The following GRM3 variants were observed in gnomAD, a reference collection of about 807,000 sequenced individuals.
GRM3 encodes the protein glutamate metabotropic receptor 3.
GRM3 carries 26 observed loss-of-function variants against 70.5 expected under a neutral mutation model. The ratio of observed to expected loss-of-function variants is 0.37; its 90% CI spans 0.27 to 0.51. The LOEUF (loss-of-function observed/expected upper bound fraction) is 0.51, where lower values mean the gene tolerates loss of function less well. Ranked by LOEUF, GRM3 falls within the 20% of genes least tolerant of loss-of-function variation. The probability of loss-of-function intolerance (pLI) is 0.93; values close to 1 mark genes in which losing one functional copy is unlikely to be tolerated. For synonymous variants in GRM3, 443 were observed against 434.9 expected (o/e 1.02, Z -0.23); for missense variants, 859 against 1,123.8 (o/e 0.76, Z 3.37).
chr7:86,647,761 C>T (rs1793510287), intron 1 of GRM3, among the ~76,000 whole-genome samples: 1 of 152,144 alleles, frequency 6.6e-6, no homozygotes, highest in Non-Finnish European at 1.5e-5. Flanking sequence ...TCATAGTAAT[C>T]ACTGAGACGG....
chr7:86,823,615 G>T (rs1412555359), intron 3 of GRM3, among the ~76,000 whole-genome samples: 24 of 121,542 alleles, frequency 2.0e-4, no homozygotes, highest in Non-Finnish European at 3.3e-4. Flanking sequence ...TGGCGGGGGG[G>T]GATTAGTGCA....
At chr7:86,685,680 G>C (rs1794546769) in intron 1 of GRM3, among the ~76,000 whole-genome samples, 1 of 152,100 alleles carries the variant, frequency 6.6e-6, no homozygotes, top group African/African-American at 2.4e-5. Context: ...GCCAAAGCAG[G>C]TGGATCACAA....
chr7:86,805,835 G>C (rs1484655209), intron 3 of GRM3, among the ~76,000 whole-genome samples: 1 of 152,070 alleles, frequency 6.6e-6, no homozygotes, highest in Non-Finnish European at 1.5e-5. Flanking sequence ...TGCCATGTTG[G>C]TGCGTTGCAC....
At chr7:86,821,608 C>T (rs1209756345) in intron 3 of GRM3, among the ~76,000 whole-genome samples, 1 of 152,118 alleles carries the variant, frequency 6.6e-6, no homozygotes, top group East Asian at 1.9e-4. Flanking sequence ...CAGTCAGACT[C>T]CAGGGGAAAA....
At chr7:86,659,207 T>G (rs1793828635) in intron 1 of GRM3, among the ~76,000 whole-genome samples, 1 of 152,174 alleles carries the variant, frequency 6.6e-6, no homozygotes, top group South Asian at 2.1e-4. Flanking sequence ...TTCCATTAAA[T>G]GCAGTTTGTG....
chr7:86,651,834 T>G (rs116642032), intron 1 of GRM3, among the ~76,000 whole-genome samples: 2,012 of 152,298 alleles, frequency 0.013, 40 homozygotes, highest in African/African-American at 0.046. Context: ...AAAGTCCCAC[T>G]TCCCCCAACA....
chr7:86,712,204 T>G (rs1245140192), intron 1 of GRM3, among the ~76,000 whole-genome samples: 7 of 152,034 alleles, frequency 4.6e-5, no homozygotes, highest in African/African-American at 1.7e-4. Context: ...TCCTAATTAC[T>G]TTTCATCTGA....
intron 1 of GRM3, among the ~76,000 whole-genome samples, chr7:86,670,934 C>T (rs1228387818): frequency 2.6e-5 from 4 of 152,182 alleles, no homozygotes; most frequent in Non-Finnish European, 4.4e-5. Flanking sequence ...ACAAGGTATA[C>T]TCTCTCCCAT....
chr7:86,672,124 G>T (rs1315916647), intron 1 of GRM3, among the ~76,000 whole-genome samples: 1 of 152,156 alleles, frequency 6.6e-6, no homozygotes, highest in African/African-American at 2.4e-5. Context: ...GTGATAAAAA[G>T]TCTACTCCAT....
intron 1 of GRM3, among the ~76,000 whole-genome samples, chr7:86,761,706 C>T (rs1796484175): frequency 6.6e-6 from 1 of 152,104 alleles, no homozygotes; most frequent in South Asian, 2.1e-4. Flanking sequence ...CTGATAGACA[C>T]TGTTGCCTTC....
intron 1 of GRM3, among the ~76,000 whole-genome samples, chr7:86,693,330 G>A (rs1274392727): frequency 6.6e-6 from 1 of 152,222 alleles, no homozygotes; most frequent in African/African-American, 2.4e-5. Context: ...ACATGGGTCA[G>A]TTAGAAGCCC....
chr7:86,735,784 T>G (rs1795844084), intron 1 of GRM3, among the ~76,000 whole-genome samples: 3 of 152,220 alleles, frequency 2.0e-5, no homozygotes, highest in Non-Finnish European at 4.4e-5. Flanking sequence ...CTAAGTACCA[T>G]TTTACCATAA....
intron 1 of GRM3, among the ~76,000 whole-genome samples, chr7:86,720,733 A>G (rs577526703): frequency 6.6e-6 from 1 of 152,162 alleles, no homozygotes; most frequent in East Asian, 1.9e-4. Context: ...CACTGTGTAG[A>G]TCACAAATAT....
At chr7:86,695,695 T>C (rs2116058324) in intron 1 of GRM3, among the ~76,000 whole-genome samples, 1 of 152,190 alleles carries the variant, frequency 6.6e-6, no homozygotes, top group South Asian at 2.1e-4. Flanking sequence ...CTCAAAAAAC[T>C]ATAAAGAATA....
intron 3 of GRM3, among the ~76,000 whole-genome samples, chr7:86,829,518 C>A (rs949727913): frequency 6.6e-6 from 1 of 152,154 alleles, no homozygotes; most frequent in African/African-American, 2.4e-5. Context: ...TTAAGTGATT[C>A]TTTCTTTCAC....
chr7:86,862,187 C>T (rs1002177224), intron 5 of GRM3, among the ~76,000 whole-genome samples: 1 of 152,118 alleles, frequency 6.6e-6, no homozygotes, highest in Non-Finnish European at 1.5e-5. Flanking sequence ...GGCTTTTAAA[C>T]GTACACACAA....
chr7:86,857,529 C>T (rs1440980325), intron 5 of GRM3, among the ~76,000 whole-genome samples: 2 of 152,054 alleles, frequency 1.3e-5, no homozygotes, highest in African/African-American at 4.8e-5. Context: ...GTGGTTTAGA[C>T]CAGAGTGAGA....
intron 5 of GRM3, among the ~76,000 whole-genome samples, chr7:86,857,068 G>C (rs909967365): frequency 4.0e-5 from 6 of 151,322 alleles, no homozygotes; most frequent in Non-Finnish European, 8.8e-5. Context: ...CCTCAGCTCA[G>C]TTACAAAATT....
intron 1 of GRM3, among the ~76,000 whole-genome samples, chr7:86,658,013 C>G (rs1210689592): frequency 6.6e-6 from 1 of 152,124 alleles, no homozygotes; most frequent in Admixed American, 6.5e-5. Flanking sequence ...ATGTAACAAT[C>G]AAAATTCTAA....
Sources: allele counts gnomAD v4.1 joint callset (sites outside exome capture counted in the v4.1 genomes callset), GRCh38; gene constraint gnomAD v4.1.1; transcripts MANE v1.5; gene names NCBI Gene and HGNC (gene_info 2026-07-23, HGNC 2026-07-21).